Variants in RUFY2 observed in about 807,000 individuals in gnomAD.
RUFY2 encodes the protein RUN and FYVE domain containing 2, also known as RUN and FYVE domain-containing protein 2.
In RUFY2, 49 loss-of-function variants were observed where a neutral mutation model predicts 94.4. That is an observed-to-expected ratio of 0.52 (90% CI 0.41 to 0.66). The LOEUF is 0.66. RUFY2 is among the 30% of genes least tolerant of loss of function. The probability of loss-of-function intolerance (pLI) is 0.00; values close to 1 mark genes in which losing one functional copy is unlikely to be tolerated. For missense variants in RUFY2, 541 were observed against 692.8 expected, an observed-to-expected ratio of 0.78 and a Z score of 2.46; for synonymous variants, 255 against 235.7, an observed-to-expected ratio of 1.08 and a Z score of -0.75.
intron 6 of RUFY2, 104 bp from the exon 7 acceptor site, chr10:68,393,307 A>G: frequency 1.8e-6 from 1 of 569,576 alleles, no homozygotes; most frequent in South Asian, 2.7e-5. Context: ...ATAATAAAAC[A>G]TTGTCTTGCC....
intron 3 of RUFY2, among the ~76,000 whole-genome samples, chr10:68,401,224 T>C (rs2133213848): frequency 6.6e-6 from 1 of 152,350 alleles, no homozygotes; most frequent in Admixed American, 6.5e-5. Context: ...AACTGGCTTA[T>C]CTGAGAACTG....
chr10:68,394,627 A>C (rs1383484307), intron 4 of RUFY2, among the ~76,000 whole-genome samples, 176 bp from the exon 5 acceptor site: 1 of 151,322 alleles, frequency 6.6e-6, no homozygotes, highest in African/African-American at 2.4e-5. Flanking sequence ...TTTATTTTTT[A>C]TTTATTAATT....
Position 68,343,824 on chromosome 10 carries a change from A to AAAAAAAAAAAAAAT in RUFY2, c.*1943_*1944insATTTTTTTTTTTTT. On this transcript the variant is annotated 3_prime_UTR_variant, in exon 18 of 18. Transcript: ENST00000602465. ...AAAGCTGCCTAAAAAAAAAAAAAAA[A>AAAAAAAAAAAAAAT]AAAAAAAAAGCAAGTCAGTCAGTGT... 7.2e-6 allele frequency: 1 copy of AAAAAAAAAAAAAAT among 139,620 alleles called. No individual in the cohort carries two copies. Among genetic ancestry groups the AAAAAAAAAAAAAAT allele is most frequent in the African/African-American group, 2.5e-5 (1 of 39,810 alleles). 8.6% of individuals were successfully genotyped at this position (139,620 alleles called of 1,614,324 possible). A position where few individuals can be genotyped will look rare whatever the true frequency, so the allele number is the denominator to read the frequency against.
chr10:68,374,693 A>G (rs1163129046), intron 13 of RUFY2, among the ~76,000 whole-genome samples: 2 of 152,196 alleles, frequency 1.3e-5, no homozygotes, highest in East Asian at 1.9e-4. Context: ...TACATCATAC[A>G]TGGCATGTGG....
At chr10:68,356,356 A>G (rs1224007908) in intron 15 of RUFY2, among the ~76,000 whole-genome samples, 1 of 151,836 alleles carries the variant, frequency 6.6e-6, no homozygotes. Flanking sequence ...AAATACAAAA[A>G]TTAGCTGGAA....
chr10:68,355,538 G>C (rs1208843308), intron 15 of RUFY2, 137 bp from the exon 16 acceptor site: 1 of 505,560 alleles, frequency 2.0e-6, no homozygotes, highest in Non-Finnish European at 3.5e-6. Flanking sequence ...TCTCTGGCTA[G>C]TGGAATATTT....
chr10:68,368,733 A>G (rs1308955142), intron 13 of RUFY2, among the ~76,000 whole-genome samples: 1 of 152,210 alleles, frequency 6.6e-6, no homozygotes, highest in Non-Finnish European at 1.5e-5. Flanking sequence ...TCCAGGAATC[A>G]AAGAACAACA....
chr10:68,379,873 T>C (rs1377414939), intron 11 of RUFY2, among the ~76,000 whole-genome samples: 1 of 151,514 alleles, frequency 6.6e-6, no homozygotes, highest in African/African-American at 2.4e-5. Context: ...AGTGGCACCA[T>C]CTCGCCTCAC....
intron 3 of RUFY2, among the ~76,000 whole-genome samples, chr10:68,398,686 C>A (rs1437018071): frequency 6.6e-6 from 1 of 151,636 alleles, no homozygotes; most frequent in African/African-American, 2.4e-5. Context: ...TAAAAAGCAA[C>A]TTTTATACCA....
At chr10:68,341,562 T>C (rs376494788), downstream of RUFY2, 15 of 1,476,940 alleles carry the variant, frequency 1.0e-5, no homozygotes, top group African/African-American at 2.0e-4. Flanking sequence ...TCTCCCCTGT[T>C]ACTCTTTCTT....
intron 13 of RUFY2, among the ~76,000 whole-genome samples, chr10:68,371,251 A>G (rs1436721662): frequency 6.6e-6 from 1 of 151,720 alleles, no homozygotes; most frequent in African/African-American, 2.4e-5. Context: ...GAAACCCCGT[A>G]TCTACTAAAA....
chr10:68,404,666 G>A lies in RUFY2; in HGVS notation c.178+5C>T, dbSNP rs2051133177. ...ATGAATTAATTTTTTAAAATCTCATGATACCTTTAAGACCGTGTTTCAGGC... is the reference window on the plus strand; with the variant it reads ...ATGAATTAATTTTTTAAAATCTCATAATACCTTTAAGACCGTGTTTCAGGC... On this transcript the variant is annotated splice_donor_5th_base_variant and intron_variant, in intron 2 of 17. Transcript: ENST00000602465. 2 of 1,526,028 alleles carry A rather than the reference G, an allele frequency of 1.3e-6. No homozygotes were observed. Among genetic ancestry groups the A allele is most frequent in the Non-Finnish European group, 1.8e-6 (2 of 1,135,988 alleles). 94.5% of individuals were successfully genotyped at this position (1,526,028 alleles called of 1,614,324 possible). A position where few individuals can be genotyped will look rare whatever the true frequency, so the allele number is the denominator to read the frequency against.
chr10:68,366,083 T>C (rs575020571), intron 13 of RUFY2, among the ~76,000 whole-genome samples: 4 of 152,246 alleles, frequency 2.6e-5, no homozygotes, highest in Admixed American at 2.0e-4. Context: ...TCACAAAACT[T>C]TGGGAGGCCA....
intron 3 of RUFY2, among the ~76,000 whole-genome samples, chr10:68,401,417 T>C (rs1248976823): frequency 6.6e-6 from 1 of 152,238 alleles, no homozygotes; most frequent in African/African-American, 2.4e-5. Context: ...TGGTTAATTT[T>C]GATCGAAGAG....
At position 68,404,831 on chromosome 10, in the gene RUFY2, G is replaced by A; in HGVS notation, c.18C>T (p.Pro6=). Reference sequence around the variant, plus strand: ...ACAAGTTTGCTCTCTCTACAGCTGTGGGGTCTTTTGTAGCTGAAAACACAA... The same window carrying A: ...ACAAGTTTGCTCTCTCTACAGCTGTAGGGTCTTTTGTAGCTGAAAACACAA... MATKD[P]TAVERANLLN... The change falls in exon 2 of 18, where the codon CCC becomes CCT. Residue 6 remains proline (P), a synonymous_variant. Transcript: ENST00000602465. 1 of 1,564,320 alleles carries A rather than the reference G, an allele frequency of 6.4e-7. No individual in the cohort carries two copies. The highest frequency in any genetic ancestry group is 8.6e-7 in the Non-Finnish European group (1 of 1,156,576).
At chr10:68,393,008 T>A in intron 7 of RUFY2, 130 bp downstream of exon 7, 1 of 426,444 alleles carries the variant, frequency 2.3e-6, no homozygotes, top group Non-Finnish European at 4.2e-6. Context: ...ATTCTTACTT[T>A]CCATTTTCTC....
chr10:68,359,311 C>A (rs1431123809), intron 15 of RUFY2, among the ~76,000 whole-genome samples: 3 of 126,026 alleles, frequency 2.4e-5, no homozygotes, highest in African/African-American at 5.4e-5. Flanking sequence ...TACATATATA[C>A]GTATATATAC....
chr10:68,398,544 C>T (rs1231712165), intron 3 of RUFY2, among the ~76,000 whole-genome samples: 1 of 151,972 alleles, frequency 6.6e-6, no homozygotes, highest in African/African-American at 2.4e-5. Context: ...CCCAGCTACT[C>T]GAGAGGCGGA....
intron 2 of RUFY2, among the ~76,000 whole-genome samples, chr10:68,402,799 T>G (rs1468063434): frequency 1.3e-5 from 2 of 149,996 alleles, no homozygotes; most frequent in Non-Finnish European, 3.0e-5. Context: ...TTAATTCTGA[T>G]ACAGATGTCT....
Sources: gnomAD v4.1 joint callset for allele counts (sites outside exome capture counted in the v4.1 genomes callset) on GRCh38, gnomAD v4.1.1 for gene constraint, MANE v1.5 for transcripts, NCBI Gene and HGNC (gene_info 2026-07-23, HGNC 2026-07-21) for gene names.